ZNF454: variants seen among roughly 807,000 people sequenced by gnomAD.
ZNF454 encodes zinc finger protein 454.
ZNF454 carries 30 observed loss-of-function variants against 48.2 expected under a neutral mutation model. That is an observed-to-expected ratio of 0.62 (90% CI 0.47 to 0.84). The LOEUF (loss-of-function observed/expected upper bound fraction) is 0.84. Among genes scored for constraint, ZNF454 ranks in the 40% least tolerant of loss-of-function variants. ZNF454 has a pLI of 0.00. For synonymous variants in ZNF454, 204 were observed against 211.4 expected, an observed-to-expected ratio of 0.97 and a Z score of 0.30; for missense variants, 510 against 623.1, an observed-to-expected ratio of 0.82 and a Z score of 1.93.
In ZNF454 at chr5:178,941,593, C is replaced by T. The variant is rs1344856354; in HGVS notation, c.-108+149C>T. On this transcript the variant is annotated intron_variant, in intron 1 of 4. Coordinates refer to ENST00000519564, the MANE Select transcript of ZNF454 (RefSeq NM_001178089.3). The surrounding 1 kb of genome is among the most constrained non-coding windows in gnomAD (Gnocchi z 5.5). The stretch of plus-strand genomic sequence containing the variant: ...CGGACTCCGAGAAGCCCAGGGTTTC[C>T]TCTCAGGTGATAGATACACGCCTGG... 1 of 427,798 alleles carries T rather than the reference C, an allele frequency of 2.3e-6. No individual in the cohort carries two copies. The highest frequency in any genetic ancestry group is 4.7e-6 in the Non-Finnish European group (1 of 212,528). The allele number at this position is 427,798 out of a possible 1,614,324, so 26.5% of individuals were successfully genotyped here. A position where few individuals can be genotyped will look rare whatever the true frequency, so the allele number is the denominator to read the frequency against.
At chr5:178,979,606 G>A in the ZNF454 span, 1 of 152,192 alleles carries the variant, frequency 6.6e-6, no homozygotes, top group Non-Finnish European at 1.5e-5. Context: ...TTCACACTGG[G>A]GAGAAATCCT....
At chr5:178,987,418 C>T in the ZNF454 span, 1 of 459,106 alleles carries the variant, frequency 2.2e-6, no homozygotes, top group East Asian at 6.9e-5. Flanking sequence ...CGAGCGTCCA[C>T]TGACAGAAGA....
rs571680687 is a variant in ZNF454, at chr5:178,946,866, G to A, written c.161-31G>A. On this transcript the variant is annotated intron_variant, in intron 3 of 4. Coordinates refer to ENST00000519564, the MANE Select transcript of ZNF454 (RefSeq NM_001178089.3). This position sits in a 1 kb window ranked among gnomAD's most constrained non-coding sequence, Gnocchi z 4.5. ...ATTTTTATCTCTCGTATAAACAGAT[G>A]TGGTTCATTTTTGTCTCCCCTTAAA... is the stretch of plus-strand genomic sequence containing the variant. 1.7e-5 allele frequency: 27 copies of A among 1,576,578 alleles called. No homozygotes were observed. Among genetic ancestry groups the A allele is most frequent in the Non-Finnish European group, 2.3e-5 (26 of 1,147,230 alleles).
the ZNF454 span, chr5:178,987,146 G>A: frequency 4.0e-6 from 3 of 759,052 alleles, no homozygotes; most frequent in Non-Finnish European, 6.8e-6. Context: ...TTCACCCATT[G>A]GGATGGCTTC....
chr5:178,965,971 TG>T lies in ZNF454; in HGVS notation c.1568del (p.Ter523TyrfsTer11). The T allele has an allele frequency of 6.4e-7, 1 of 1,557,868 alleles. No homozygotes were observed. Among genetic ancestry groups the T allele is most frequent in the African/African-American group, 1.4e-5 (1 of 72,574 alleles). ...TCAGAGACATCATATTGGAGAGAAG[TG>T]ATATGAATGCAGTTTGTATGGAAGA... ...QHQRHHIGEK[*>X] On this transcript the variant is annotated frameshift_variant and stop_lost, in exon 5 of 5. Transcript: ENST00000519564. LOFTEE classifies it high-confidence loss of function. The surrounding 1 kb of genome is among the most constrained non-coding windows in gnomAD (Gnocchi z 5.2).
intron 4 of ZNF454, among the ~76,000 whole-genome samples, chr5:178,956,512 C>T (rs1231380096): frequency 2.3e-5 from 2 of 85,796 alleles, no homozygotes; most frequent in Non-Finnish European, 4.8e-5. Flanking sequence ...TTTTGCTCTC[C>T]TGAAAAGAAA....
In ZNF454 at chr5:178,964,746, C is replaced by A. The variant is rs751739255; in HGVS notation, c.342C>A (p.Phe114Leu). 1 of 1,614,170 alleles carries A rather than the reference C, an allele frequency of 6.2e-7. No individual in the cohort carries two copies. The highest frequency in any genetic ancestry group is 8.5e-7 in the Non-Finnish European group (1 of 1,180,030). Reference protein sequence around the residue: ...ELDQWTIKERFSSSSHWKCAS... With the variant: ...ELDQWTIKERLSSSSHWKCAS... ...ATCAATGGACAATAAAGGAAAGATT[C>A]AGTAGCAGTAGTCACTGGAAGTGTG... The change falls in exon 5 of 5, where the codon TTC (phenylalanine) becomes TTA (leucine). Residue 114 changes from phenylalanine (F) to leucine (L), a missense_variant. Phe to Leu is a conservative substitution (Grantham distance 22, BLOSUM62 0). This residue lies in a region of ZNF454 where 354 missense variants were observed against 408.9 expected (regional missense o/e 0.87). Coordinates refer to ENST00000519564, the MANE Select transcript of ZNF454 (RefSeq NM_001178089.3).
At chr5:178,977,655 C>T in the ZNF454 span, among the ~76,000 whole-genome samples, 10 of 152,072 alleles carry the variant, frequency 6.6e-5, no homozygotes, top group East Asian at 5.8e-4. Context: ...CAGAAACCTC[C>T]GCCTCCCGGG....
chr5:178,964,302 A>G (rs1305802516), intron 4 of ZNF454, among the ~76,000 whole-genome samples: 1 of 151,882 alleles, frequency 6.6e-6, no homozygotes, highest in Non-Finnish European at 1.5e-5. Flanking sequence ...TTGCATTTTT[A>G]GTAGAGACGG....
At position 178,945,462 on chromosome 5, in the gene ZNF454, T is replaced by G. The variant is rs528961039; in HGVS notation, c.34-897T>G. Reference sequence around the variant, plus strand: ...TGTGTGTATGTGAATGTGGGGGGGGTGTGTCGTGTGTGTGTATGTGGAGGG... The same window carrying G: ...TGTGTGTATGTGAATGTGGGGGGGGGGTGTCGTGTGTGTGTATGTGGAGGG... On this transcript the variant is annotated intron_variant, in intron 2 of 4. Transcript: ENST00000519564. 4.9e-4 allele frequency among the ~76,000 whole-genome samples: 61 copies of G among 123,728 alleles called. 1 individual carries two copies. Among genetic ancestry groups the G allele is most frequent in the South Asian group, 2.4e-3 (8 of 3,348 alleles). 81.2% of individuals were successfully genotyped at this position (123,728 alleles called of 152,430 possible).
chr5:178,942,871 G>C, intron 2 of ZNF454, 47 bp downstream of exon 2: 1 of 1,591,512 alleles, frequency 6.3e-7, no homozygotes, highest in African/African-American at 1.3e-5. Context: ...GATTTGAAGA[G>C]TGTGGCATGT....
chr5:178,954,813 T>C (rs1759686144), intron 4 of ZNF454, among the ~76,000 whole-genome samples: 1 of 152,240 alleles, frequency 6.6e-6, no homozygotes, highest in Non-Finnish European at 1.5e-5. Flanking sequence ...AGTTGCCCAG[T>C]GCGTGCTCTT....
chr5:178,983,471 C>T, the ZNF454 span: 8 of 679,846 alleles, frequency 1.2e-5, no homozygotes, highest in South Asian at 6.0e-5. Context: ...CTGTGCCGCC[C>T]GTATATGTTG....
At chr5:178,973,859 A>AAAAG in the ZNF454 span, among the ~76,000 whole-genome samples, 200 of 147,784 alleles carry the variant, frequency 1.4e-3, 3 homozygotes, top group African/African-American at 4.4e-3. Context: ...AAAAAAAAAA[A>AAAAG]AGGTCGACTG....
chr5:178,968,798 T>C (rs1290433083), downstream of ZNF454: 2 of 456,748 alleles, frequency 4.4e-6, no homozygotes, highest in South Asian at 3.1e-5. Flanking sequence ...AATGAACGCA[T>C]GAGAACTACC....
rs1759162930 is a variant in ZNF454, at chr5:178,942,813, A to G, written c.22A>G (p.Thr8Ala). The G allele has an allele frequency of 6.2e-7, 1 of 1,613,724 alleles. No individual in the cohort carries two copies. Among genetic ancestry groups the G allele is most frequent in the African/African-American group, 1.3e-5 (1 of 74,904 alleles). The change falls in exon 2 of 5, where the codon ACC (threonine) becomes GCC (alanine). Residue 8 changes from threonine to alanine, a missense_variant. By Grantham distance (58) the Thr-to-Ala change is moderately conservative. Around this residue, in one of 3 missense-constraint regions of ZNF454, gnomAD observed 354 missense variants for 408.9 expected, o/e 0.87. Coordinates refer to ENST00000519564, the MANE Select transcript of ZNF454 (RefSeq NM_001178089.3). Reference sequence around the variant, plus strand: ...AAGAATGGCTGTCAGCCACCTGCCAACCATGGTCCAGGTGAGTGGGGGTTT... The same window carrying G: ...AAGAATGGCTGTCAGCCACCTGCCAGCCATGGTCCAGGTGAGTGGGGGTTT... MAVSHLP[T>A]MVQESVTFKD... is the part of the protein sequence containing the mutation.
At chr5:178,945,248 TG>T (rs1335577863) in intron 2 of ZNF454, among the ~76,000 whole-genome samples, 2 of 150,972 alleles carry the variant, frequency 1.3e-5, no homozygotes, top group Non-Finnish European at 3.0e-5. Context: ...ATTTGTATGT[TG>T]GGGTATGGGT....
At chr5:178,988,696 G>A in the ZNF454 span, among the ~76,000 whole-genome samples, 1 of 152,190 alleles carries the variant, frequency 6.6e-6, no homozygotes, top group African/African-American at 2.4e-5. This position sits in a 1 kb window ranked among gnomAD's most constrained non-coding sequence, Gnocchi z 6.0. Context: ...GATCAGAGAA[G>A]CTCCCCAGCA....
At chr5:178,956,680 TTTATTTA>T (rs772677673) in intron 4 of ZNF454, among the ~76,000 whole-genome samples, 767 of 71,566 alleles carry the variant, frequency 0.011, 5 homozygotes, top group African/African-American at 0.037. Context: ...ATTTAATTTA[TTTATTTA>T]TTTATTTATT....
Sources: gnomAD v4.1 joint callset for allele counts (sites outside exome capture counted in the v4.1 genomes callset) on GRCh38, gnomAD v4.1.1 for gene constraint, gnomAD v4.1.1 regional missense constraint, Gnocchi (gnomAD v3.1) non-coding constraint, MANE v1.5 for transcripts, NCBI Gene and HGNC (gene_info 2026-07-23, HGNC 2026-07-21) for gene names.